Variants in CACNG8 observed in about 807,000 individuals in gnomAD.
CACNG8 encodes the protein voltage-dependent calcium channel gamma-8 subunit.
Under a neutral mutation model 26.9 loss-of-function variants are expected in CACNG8, and 5 were observed. The observed-to-expected ratio is 0.19, with a 90% CI of 0.10 to 0.39. The LOEUF is 0.39. CACNG8 is among the 10% of genes least tolerant of loss of function. The probability of loss-of-function intolerance (pLI) is 1.00; values close to 1 mark genes in which losing one functional copy is unlikely to be tolerated. For synonymous variants in CACNG8, 321 were observed against 296.7 expected (o/e 1.08, Z -0.84); for missense variants, 473 against 609.4 (o/e 0.78, Z 2.36).
chr19:53,965,998 G>A (rs775893507), intron 1 of CACNG8, among the ~76,000 whole-genome samples: 1 of 152,292 alleles, frequency 6.6e-6, no homozygotes, highest in South Asian at 2.1e-4. Context: ...CCGGGGCAGA[G>A]TGGGTGGCGG....
At chr19:53,977,850 T>C (rs2069339060) in intron 1 of CACNG8, among the ~76,000 whole-genome samples, 1 of 152,218 alleles carries the variant, frequency 6.6e-6, no homozygotes, top group South Asian at 2.1e-4. Context: ...TGGAGCAACT[T>C]AGCGCAGCTT....
chr19:53,984,607 G>A lies in CACNG8; in HGVS notation c.*1758G>A, dbSNP rs2069395958. ...ACAGTTCTGGGATGCTGATGTACAAGGTGGGGCTGGGAGATGAGGCCGGGA... is the reference window on the plus strand; with the variant it reads ...ACAGTTCTGGGATGCTGATGTACAAAGTGGGGCTGGGAGATGAGGCCGGGA... On this transcript the variant is annotated 3_prime_UTR_variant, in exon 4 of 4. Coordinates refer to ENST00000270458, the MANE Select transcript of CACNG8 (RefSeq NM_031895.6). The A allele has an allele frequency of 6.6e-6, 1 of 152,434 alleles. No homozygotes were observed. The highest frequency in any genetic ancestry group is 1.5e-5 in the Non-Finnish European group (1 of 68,206). 9.4% of individuals were successfully genotyped at this position (152,434 alleles called of 1,614,324 possible).
At position 53,987,582 on chromosome 19, in the gene CACNG8, G is replaced by T. The variant is rs62145090; in HGVS notation, c.*4733G>T. The T allele has an allele frequency of 0.26, 39,107 of 152,060 alleles. 6,086 individuals carry two copies. Among genetic ancestry groups the T allele is most frequent in the Middle Eastern group, 0.44 (127 of 290 alleles). 9.4% of individuals were successfully genotyped at this position (152,060 alleles called of 1,614,324 possible). ...AGCCTGCATTGGTGGTGAACTGGAT[G>T]TCATAGAGGAGGGAAGGAAAAGGAA... On this transcript the variant is annotated 3_prime_UTR_variant, in exon 4 of 4. Coordinates refer to ENST00000270458, the MANE Select transcript of CACNG8 (RefSeq NM_031895.6).
rs527964050 is a variant in CACNG8 at position 53,963,068 on chromosome 19, C to T, written c.-75C>T. 1.2e-5 allele frequency: 11 copies of T among 938,290 alleles called. No homozygotes were observed. The highest frequency in any genetic ancestry group is 4.1e-5 in the Admixed American group (1 of 24,100). 58.1% of individuals were successfully genotyped at this position (938,290 alleles called of 1,614,324 possible). ...CGCTTCTGCCTGCGCTGTGAACCCC[C>T]CCCCAGCCGCCGGCACGGCCCCGCC... On this transcript the variant is annotated 5_prime_UTR_variant, in exon 1 of 4. Transcript: ENST00000270458.
chr19:53,979,771 G>T (rs1376601350), intron 2 of CACNG8, 96 bp from the exon 3 acceptor site: 8 of 1,323,256 alleles, frequency 6.0e-6, no homozygotes, highest in Non-Finnish European at 3.1e-6. Context: ...GAACTGTCGG[G>T]AGGCGCCGCG....
At chr19:53,980,274 A>C (rs557121455) in intron 3 of CACNG8, among the ~76,000 whole-genome samples, 1 of 151,830 alleles carries the variant, frequency 6.6e-6, no homozygotes, top group Non-Finnish European at 1.5e-5. Context: ...TCTGGCGCGT[A>C]AGACGCCGGG....
intron 1 of CACNG8, among the ~76,000 whole-genome samples, chr19:53,974,619 T>C (rs1455000832): frequency 9.2e-6 from 1 of 109,206 alleles, no homozygotes; most frequent in African/African-American, 5.0e-5. Context: ...TAACACGTGT[T>C]ATTTTATTTA....
At chr19:53,970,091 C>T (rs1006695024) in intron 1 of CACNG8, among the ~76,000 whole-genome samples, 5 of 151,802 alleles carry the variant, frequency 3.3e-5, no homozygotes, top group Non-Finnish European at 2.9e-5. Context: ...CCGAGGCGGG[C>T]GGATCACGAG....
intron 1 of CACNG8, among the ~76,000 whole-genome samples, chr19:53,977,626 T>A (rs186599556): frequency 2.3e-4 from 35 of 152,280 alleles, no homozygotes; most frequent in Middle Eastern, 3.4e-3. Flanking sequence ...ACTCCCATGA[T>A]CCACTGCGGC....
intron 1 of CACNG8, among the ~76,000 whole-genome samples, chr19:53,965,031 G>C (rs534153734): frequency 3.3e-5 from 5 of 152,240 alleles, no homozygotes; most frequent in Middle Eastern, 3.4e-3. Context: ...AATCCTATGA[G>C]GTGGGCACCA....
rs370446891 is a variant in CACNG8 at position 53,979,945 on chromosome 19, C to T, written c.446C>T (p.Ser149Phe). The change falls in exon 3 of 4, where the codon TCC (serine) becomes TTC (phenylalanine). Residue 149 changes from serine to phenylalanine, a missense_variant. This residue lies in a region of CACNG8 where 155 missense variants were observed against 253.0 expected (regional missense o/e 0.61). Transcript: ENST00000270458. ...CTCGGGGGTGTGTGCGTGGCGGCCT[C>T]CCGCGTCTACAAGTCCAAGAGGAAC... 2.5e-6 allele frequency: 4 copies of T among 1,612,906 alleles called. No homozygotes were observed. The highest frequency in any genetic ancestry group is 2.2e-5 in the South Asian group (2 of 90,836).
At chr19:53,970,331 A>C (rs150149197) in intron 1 of CACNG8, among the ~76,000 whole-genome samples, 2 of 148,054 alleles carry the variant, frequency 1.4e-5, no homozygotes, top group Non-Finnish European at 3.0e-5. Context: ...AGAAAAAAGA[A>C]ATATAACACA....
At chr19:53,975,625 C>G (rs1292489797) in intron 1 of CACNG8, among the ~76,000 whole-genome samples, 2 of 152,154 alleles carry the variant, frequency 1.3e-5, no homozygotes, top group Non-Finnish European at 2.9e-5. Flanking sequence ...GGTGATCCAC[C>G]CACTTGGTCT....
At position 53,979,964 on chromosome 19, in the gene CACNG8, G is replaced by A. The variant is rs752171863; in HGVS notation, c.465G>A (p.Lys155=). 8.1e-6 allele frequency: 13 copies of A among 1,612,840 alleles called. No homozygotes were observed. The highest frequency in any genetic ancestry group is 3.3e-4 in the Middle Eastern group (2 of 6,082). The change falls in exon 3 of 4, where the codon AAG becomes AAA. Residue 155 remains lysine, a synonymous_variant. Coordinates refer to ENST00000270458, the MANE Select transcript of CACNG8 (RefSeq NM_031895.6). The stretch of plus-strand genomic sequence containing the variant: ...CGGCCTCCCGCGTCTACAAGTCCAA[G>A]AGGAACATCATTCTGGGCGCAGGGA...
rs968668029 is a variant in CACNG8 at position 53,987,681 on chromosome 19, C to G, written c.*4832C>G. 1 of 152,168 alleles carries G rather than the reference C, an allele frequency of 6.6e-6. No homozygotes were observed. Among genetic ancestry groups the G allele is most frequent in the Non-Finnish European group, 1.5e-5 (1 of 68,066 alleles). 9.4% of individuals were successfully genotyped at this position (152,168 alleles called of 1,614,324 possible). On this transcript the variant is annotated 3_prime_UTR_variant, in exon 4 of 4. Coordinates refer to ENST00000270458, the MANE Select transcript of CACNG8 (RefSeq NM_031895.6). ...CACCGATGAGGATTGTTACCAGGAA[C>G]GAGGAGACTGGGATCAGGAAAGTGG...
Position 53,984,242 on chromosome 19 carries a change from AGT to A in CACNG8, c.*1398_*1399del, listed in dbSNP as rs2069393805. On this transcript the variant is annotated 3_prime_UTR_variant, in exon 4 of 4. Transcript: ENST00000270458. ...TTGGCCATCTGCTAAGGTACCAGGA[AGT>A]GTGTTAGGATCCAGATCCCCAGGGG... 1.3e-5 allele frequency: 2 copies of A among 152,336 alleles called. No homozygotes were observed. The highest frequency in any genetic ancestry group is 4.8e-5 in the African/African-American group (2 of 41,564). 9.4% of individuals were successfully genotyped at this position (152,336 alleles called of 1,614,324 possible).
Position 53,989,303 on chromosome 19 carries a change from C to A in CACNG8, c.*6454C>A, listed in dbSNP as rs1212698275. ...AGAAAGAAAGTCAAAGAAATAAAGT[C>A]AAAGACAAGAAGGTGATACAGAGAA... On this transcript the variant is annotated 3_prime_UTR_variant, in exon 4 of 4. Transcript: ENST00000270458. The A allele has an allele frequency of 6.6e-6, 1 of 152,220 alleles. No homozygotes were observed. Among genetic ancestry groups the A allele is most frequent in the African/African-American group, 2.4e-5 (1 of 41,284 alleles). 9.4% of individuals were successfully genotyped at this position (152,220 alleles called of 1,614,324 possible). A position where few individuals can be genotyped will look rare whatever the true frequency, so the allele number is the denominator to read the frequency against.
chr19:53,974,554 C>T (rs1204771197), intron 1 of CACNG8, among the ~76,000 whole-genome samples: 2 of 152,170 alleles, frequency 1.3e-5, no homozygotes, highest in Admixed American at 6.6e-5. Flanking sequence ...AGCCACTGCA[C>T]CATTTTATAT....
chr19:53,965,150 G>A (rs950021365), intron 1 of CACNG8, among the ~76,000 whole-genome samples: 1 of 152,214 alleles, frequency 6.6e-6, no homozygotes, highest in Non-Finnish European at 1.5e-5. Context: ...GAATCTCATG[G>A]ATGGGATTCA....
Sources: gnomAD v4.1 joint callset for allele counts (sites outside exome capture counted in the v4.1 genomes callset) on GRCh38, gnomAD v4.1.1 for gene constraint, gnomAD v4.1.1 regional missense constraint, MANE v1.5 for transcripts, NCBI Gene and HGNC (gene_info 2026-07-23, HGNC 2026-07-21) for gene names.